Variants in DOK4 observed in about 807,000 individuals in gnomAD.
DOK4 encodes downstream of tyrosine kinase 4.
In DOK4, 26 loss-of-function variants were observed where a neutral mutation model predicts 40.1. The observed-to-expected ratio is 0.65, with a 90% CI of 0.48 to 0.90. The LOEUF (loss-of-function observed/expected upper bound fraction) is 0.90, where lower values mean the gene tolerates loss of function less well. Among genes scored for constraint, DOK4 ranks in the 40% least tolerant of loss-of-function variants. The pLI is 0.00. For missense variants in DOK4, 392 were observed against 437.2 expected (o/e 0.90, Z 0.92); for synonymous variants, 179 against 177.0 (o/e 1.01, Z -0.09).
chr16:57,478,831 T>G (rs1164815293), intron 2 of DOK4, among the ~76,000 whole-genome samples: 1 of 152,168 alleles, frequency 6.6e-6, no homozygotes, highest in Non-Finnish European at 1.5e-5. Context: ...AGTTCTCATT[T>G]GGAAACCACA....
chr16:57,480,132 G>A (rs1258218193), intron 1 of DOK4, among the ~76,000 whole-genome samples: 1 of 152,186 alleles, frequency 6.6e-6, no homozygotes, highest in Non-Finnish European at 1.5e-5. Context: ...GCTCCCAGGG[G>A]TAGCAGGGAA....
At chr16:57,478,368 CCA>C (rs1412156965) in intron 2 of DOK4, among the ~76,000 whole-genome samples, 1 of 59,952 alleles carries the variant, frequency 1.7e-5, no homozygotes, top group African/African-American at 1.8e-4. Context: ...CGCATGCCCC[CCA>C]ACCCCACTCA....
chr16:57,472,666 C>T (rs1488221970), exon 9 of DOK4: 7 of 152,428 alleles, frequency 4.6e-5, no homozygotes, highest in African/African-American at 1.7e-4. Flanking sequence ...ATCAGCACCC[C>T]TACCCCAGGG....
At chr16:57,481,296 A>T (rs2031401177) in intron 1 of DOK4, among the ~76,000 whole-genome samples, 1 of 152,158 alleles carries the variant, frequency 6.6e-6, no homozygotes, top group East Asian at 1.9e-4. Context: ...CCCCTATCCC[A>T]CTTGCACCCT....
exon 9 of DOK4, chr16:57,473,240 TGGG>T: frequency 7.4e-7 from 1 of 1,353,810 alleles, no homozygotes; most frequent in Non-Finnish European, 9.8e-7. Flanking sequence ...GCCTCATCCT[TGGG>T]GGCAAGGAGG....
rs1024063001 is a variant in DOK4, at chr16:57,479,616, G to C, written c.-109C>G. 45 of 1,264,240 alleles carry C rather than the reference G, an allele frequency of 3.6e-5. No homozygotes were observed. In the East Asian group the frequency reaches 1.1e-3, roughly 30 times the overall value. The allele number at this position is 1,264,240 out of a possible 1,614,324, so 78.3% of individuals were successfully genotyped here. On this transcript the variant is annotated 5_prime_UTR_variant, in exon 2 of 9. Coordinates refer to ENST00000340099, the Ensembl canonical transcript of DOK4. The surrounding 1 kb of genome is among the most constrained non-coding windows in gnomAD (Gnocchi z 5.8). ...TCACCTGTTCCAGACACTCTGTCGG[G>C]GCTGCCGCGAGGGGCTGCTCCTCAC...
chr16:57,487,224 C>A (rs569919954), upstream of DOK4: 2 of 152,358 alleles, frequency 1.3e-5, no homozygotes, highest in South Asian at 2.1e-4. Flanking sequence ...AGCTGTCCCC[C>A]CTCTGGTTTT....
Position 57,479,650 on chromosome 16 carries a change from C to T in DOK4, c.-143G>A. The T allele has an allele frequency of 1.3e-6, 1 of 786,370 alleles. No individual in the cohort carries two copies. The highest frequency in any genetic ancestry group is 1.6e-5 in the South Asian group (1 of 63,010). The allele number at this position is 786,370 out of a possible 1,614,324, so 48.7% of individuals were successfully genotyped here. On this transcript the variant is annotated 5_prime_UTR_variant, in exon 2 of 9. Coordinates refer to ENST00000340099, the Ensembl canonical transcript of DOK4. The surrounding 1 kb of genome is among the most constrained non-coding windows in gnomAD (Gnocchi z 5.8). ...GAGGGGCTGCTCCTCACCTCACCCGCCTCAGCATTGTTCTAGCAGCTCCTT... is the reference window on the plus strand; with the variant it reads ...GAGGGGCTGCTCCTCACCTCACCCGTCTCAGCATTGTTCTAGCAGCTCCTT...
At position 57,479,751 on chromosome 16, in the gene DOK4, C is replaced by T. The variant is rs1281983599; in HGVS notation, c.-181-63G>A. 4.6e-6 allele frequency: 2 copies of T among 439,294 alleles called. No individual in the cohort carries two copies. Among genetic ancestry groups the T allele is most frequent in the African/African-American group, 2.0e-5 (1 of 49,094 alleles). The allele number at this position is 439,294 out of a possible 1,614,324, so 27.2% of individuals were successfully genotyped here. A position where few individuals can be genotyped will look rare whatever the true frequency, so the allele number is the denominator to read the frequency against. On this transcript the variant is annotated intron_variant, in intron 1 of 8. Transcript: ENST00000340099. The surrounding 1 kb of genome is among the most constrained non-coding windows in gnomAD (Gnocchi z 5.8). ...CATCTTTCTCTTCCTCTCGCTGTCT[C>T]GCTCTCTTTTTTCCTTCCTCTTCCC...
At chr16:57,486,313 C>G (rs1284307673) in exon 1 of DOK4, 2 of 152,302 alleles carry the variant, frequency 1.3e-5, no homozygotes, top group Non-Finnish European at 2.9e-5. Context: ...ACCTGGGCGC[C>G]GAGGCCCGGG....
chr16:57,473,795 A>G, intron 7 of DOK4, 59 bp from the exon 8 acceptor site: 1 of 1,585,732 alleles, frequency 6.3e-7, no homozygotes, highest in Non-Finnish European at 8.6e-7. Context: ...CTGAGCAGCC[A>G]CCCCAAGACC....
rs117947398 is a variant in DOK4 at position 57,479,714 on chromosome 16, T to C, written c.-181-26A>G. ...CTGGAAATAAAAATGACAGGGAGAT[T>C]AGAGACAGTGACATCTTTCTCTTCC... On this transcript the variant is annotated intron_variant, in intron 1 of 8. Coordinates refer to ENST00000340099, the Ensembl canonical transcript of DOK4. This position sits in a 1 kb window ranked among gnomAD's most constrained non-coding sequence, Gnocchi z 5.8. 1.2e-3 allele frequency: 651 copies of C among 521,876 alleles called. 1 individual carries two copies. Among genetic ancestry groups the C allele is most frequent in the Middle Eastern group, 1.9e-3 (4 of 2,104 alleles). 32.3% of individuals were successfully genotyped at this position (521,876 alleles called of 1,614,324 possible). A position where few individuals can be genotyped will look rare whatever the true frequency, so the allele number is the denominator to read the frequency against.
Position 57,475,071 on chromosome 16 carries a change from C to T in DOK4, c.409+29G>A, listed in dbSNP as rs748049629. ...CTTCCTCTCTTCCTCCTCCCCCTCC[C>T]CACCCCCAGGGCCAGGGCCCGGCCT... On this transcript the variant is annotated intron_variant, in intron 5 of 8. Transcript: ENST00000340099. The T allele has an allele frequency of 9.9e-6, 16 of 1,608,652 alleles. No homozygotes were observed. The Admixed American group carries it at 1.7e-4, about 17-fold the overall frequency.
rs2031320760 is a variant in DOK4 at position 57,479,302 on chromosome 16, G to A, written c.66+140C>T. 3 of 902,966 alleles carry A rather than the reference G, an allele frequency of 3.3e-6. No homozygotes were observed. The South Asian group carries it at 4.9e-5, about 15-fold the overall frequency. 55.9% of individuals were successfully genotyped at this position (902,966 alleles called of 1,614,324 possible). On this transcript the variant is annotated intron_variant, in intron 2 of 8. Transcript: ENST00000340099. The surrounding 1 kb of genome is among the most constrained non-coding windows in gnomAD (Gnocchi z 5.8). ...ACATGCCAGGCAGCACGCTGGCGAGGAGCCCCGAGACCACAGATGCACGAT... is the reference window on the plus strand; with the variant it reads ...ACATGCCAGGCAGCACGCTGGCGAGAAGCCCCGAGACCACAGATGCACGAT...
intron 1 of DOK4, among the ~76,000 whole-genome samples, 199 bp downstream of exon 1, chr16:57,486,106 A>G (rs1269665362): frequency 2.6e-5 from 4 of 151,954 alleles, no homozygotes; most frequent in African/African-American, 4.8e-5. Flanking sequence ...GAGAGAGCGC[A>G]GGGAGTTTCA....
At chr16:57,486,549 CT>C (rs1220506903), upstream of DOK4, 4 of 151,222 alleles carry the variant, frequency 2.6e-5, no homozygotes, top group African/African-American at 9.7e-5. Flanking sequence ...CTGCCCCGCC[CT>C]GGCGGCCGGC....
chr16:57,477,001 T>C (rs2031208609), intron 2 of DOK4, among the ~76,000 whole-genome samples: 1 of 152,210 alleles, frequency 6.6e-6, no homozygotes, highest in Non-Finnish European at 1.5e-5. Flanking sequence ...GGGGTTTACC[T>C]ACTCCTTCCA....
At chr16:57,474,676 C>T in intron 6 of DOK4, 117 bp downstream of exon 6, 1 of 1,294,364 alleles carries the variant, frequency 7.7e-7, no homozygotes, top group Non-Finnish European at 1.1e-6. Flanking sequence ...TACATTCCCC[C>T]TTGGGATTGC....
In DOK4 at chr16:57,475,613, TCA is replaced by T; in HGVS notation, c.180_181del (p.Glu61AspfsTer25). 1 of 1,600,952 alleles carries T rather than the reference TCA, an allele frequency of 6.2e-7. No individual in the cohort carries two copies. Among genetic ancestry groups the T allele is most frequent in the Non-Finnish European group, 8.5e-7 (1 of 1,175,458 alleles). The stretch of plus-strand genomic sequence containing the variant: ...CGTAACACACTTGACGTTGCTGATC[TCA>T]GTCACCTGGGACAGCATCCACAAGG... On this transcript the variant is annotated frameshift_variant, in exon 4 of 9. Transcript: ENST00000340099. LOFTEE classifies it high-confidence loss of function.
Sources: gnomAD v4.1 joint callset for allele counts (sites outside exome capture counted in the v4.1 genomes callset) on GRCh38, gnomAD v4.1.1 for gene constraint, Gnocchi (gnomAD v3.1) non-coding constraint, MANE v1.5 for transcripts, NCBI Gene and HGNC (gene_info 2026-07-23, HGNC 2026-07-21) for gene names.